The following WDFY3 variants were observed in gnomAD, a reference collection of about 807,000 sequenced individuals.
WDFY3 encodes the protein WD repeat and FYVE domain-containing protein 3.
Under a neutral mutation model 409.6 loss-of-function variants are expected in WDFY3, and 66 were observed. That is an observed-to-expected ratio of 0.16 (90% CI 0.13 to 0.20). WDFY3 has a LOEUF of 0.20. WDFY3 is among the 10% of genes least tolerant of loss of function. The probability of loss-of-function intolerance (pLI) is 1.00; values close to 1 mark genes in which losing one functional copy is unlikely to be tolerated. For synonymous variants in WDFY3, 1,521 were observed against 1,537.1 expected (o/e 0.99, Z 0.25); for missense variants, 3,031 against 4,298.1 (o/e 0.71, Z 8.24).
chr4:84,931,354 A>C (rs545531451), intron 2 of WDFY3, among the ~76,000 whole-genome samples: 8 of 152,192 alleles, frequency 5.3e-5, no homozygotes, highest in Non-Finnish European at 1.2e-4. Context: ...GAGGAATCAG[A>C]GTCTGTTCCG....
chr4:84,907,345 C>T (rs1320634517), intron 2 of WDFY3, among the ~76,000 whole-genome samples: 1 of 152,126 alleles, frequency 6.6e-6, no homozygotes, highest in Non-Finnish European at 1.5e-5. Flanking sequence ...TTCCTTCTTG[C>T]TCTCTCTCAG....
At chr4:84,927,779 T>C (rs895753306) in intron 2 of WDFY3, among the ~76,000 whole-genome samples, 1 of 152,208 alleles carries the variant, frequency 6.6e-6, no homozygotes, top group African/African-American at 2.4e-5. Flanking sequence ...TCCTGAGGCC[T>C]CCCCAGCCAT....
intron 34 of WDFY3, among the ~76,000 whole-genome samples, chr4:84,754,237 A>G (rs1221655752): frequency 6.6e-6 from 1 of 152,176 alleles, no homozygotes. Flanking sequence ...ATGCTAAGTT[A>G]GGAGTAAGAT....
chr4:84,901,122 G>A (rs1004656577), intron 2 of WDFY3, among the ~76,000 whole-genome samples: 1 of 152,088 alleles, frequency 6.6e-6, no homozygotes, highest in Non-Finnish European at 1.5e-5. Flanking sequence ...ATGCATAAAG[G>A]CTCGTTTAGA....
Position 84,814,581 on chromosome 4 carries a change from T to C in WDFY3, c.1887+2811A>G, listed in dbSNP as rs1399442150. ...CTCATCCCTGTGTCCAGTGTACATA[T>C]GCTGCAAAAGCCACCTGCCTGTTAG... On this transcript the variant is annotated intron_variant, in intron 13 of 67. Coordinates refer to ENST00000295888, the MANE Select transcript of WDFY3 (RefSeq NM_014991.6). 2.0e-5 allele frequency among the ~76,000 whole-genome samples: 3 copies of C among 152,232 alleles called. No individual in the cohort carries two copies. In the East Asian group the frequency reaches 5.8e-4, roughly 29 times the overall value.
At chr4:84,764,729 CGTG>C (rs1262337067) in intron 32 of WDFY3, among the ~76,000 whole-genome samples, 2 of 151,666 alleles carry the variant, frequency 1.3e-5, no homozygotes, top group Admixed American at 6.6e-5. Flanking sequence ...ATTAGCCGGG[CGTG>C]GTGGCAGGCG....
At chr4:84,690,901 T>TG (rs1404879142) in intron 60 of WDFY3, among the ~76,000 whole-genome samples, 1 of 152,096 alleles carries the variant, frequency 6.6e-6, no homozygotes, top group African/African-American at 2.4e-5. Context: ...TTGCTCATAA[T>TG]GGGGGTCTCT....
intron 64 of WDFY3, among the ~76,000 whole-genome samples, chr4:84,679,841 T>TATATATATATATATATACACACACACAC (rs1235574031): frequency 7.1e-6 from 1 of 141,260 alleles, no homozygotes; most frequent in African/African-American, 2.6e-5. Flanking sequence ...TATATATATA[T>TATATATATATATATATACACACACACAC]ACACACACAC....
chr4:84,845,564 G>A (rs1174748810), intron 5 of WDFY3, among the ~76,000 whole-genome samples: 4 of 151,926 alleles, frequency 2.6e-5, no homozygotes, highest in Non-Finnish European at 4.4e-5. Flanking sequence ...TAAGAGGGTA[G>A]ATCCCATATT....
chr4:84,863,785 T>G (rs1323896448), intron 3 of WDFY3, among the ~76,000 whole-genome samples: 1 of 152,174 alleles, frequency 6.6e-6, no homozygotes, highest in East Asian at 1.9e-4. Context: ...CCAACACCAT[T>G]TATTACAGAG....
chr4:84,699,403 A>G (rs1017384310), intron 56 of WDFY3, among the ~76,000 whole-genome samples: 1 of 152,178 alleles, frequency 6.6e-6, no homozygotes, highest in Non-Finnish European at 1.5e-5. Flanking sequence ...ATTCACTTTC[A>G]TGGATGAATA....
At position 84,790,092 on chromosome 4, in the gene WDFY3, G is replaced by T. The variant is rs77303371; in HGVS notation, c.3488-185C>A. Among the ~76,000 whole-genome samples, 928 of 152,254 alleles carry T rather than the reference G, an allele frequency of 6.1e-3. 8 individuals are homozygous for T. Among genetic ancestry groups the T allele is most frequent in the African/African-American group, 0.021 (893 of 41,544 alleles). On this transcript the variant is annotated intron_variant, in intron 21 of 67. Coordinates refer to ENST00000295888, the MANE Select transcript of WDFY3 (RefSeq NM_014991.6). The stretch of plus-strand genomic sequence containing the variant: ...GGGTTGGGCACGGTGGCTCACACCT[G>T]TAATGTCAGCCCTTTGGGAGGCTGA...
intron 1 of WDFY3, among the ~76,000 whole-genome samples, chr4:84,964,917 A>G (rs1381072709): frequency 6.6e-6 from 1 of 152,226 alleles, no homozygotes; most frequent in African/African-American, 2.4e-5. Context: ...AGAATGGTTC[A>G]AAGTATTAAC....
Position 84,860,429 on chromosome 4 carries a change from G to T in WDFY3, c.163C>A (p.Leu55Met). The T allele has an allele frequency of 6.2e-7, 1 of 1,613,476 alleles. No individual in the cohort carries two copies. Among genetic ancestry groups the T allele is most frequent in the Non-Finnish European group, 8.5e-7 (1 of 1,179,624 alleles). ...GGACTTACCCTGTTAAACACTGGCA[G>T]CATCATATACAGTTTCTCTTCTTGT... ...KEQEEKLYMM[L>M]PVFNRVFGNA... is the part of the protein sequence containing the mutation. The change falls in exon 4 of 68, where the codon CTG becomes ATG. Residue 55 changes from leucine (L) to methionine (M), a missense_variant. Leu to Met is a conservative substitution (Grantham distance 15, BLOSUM62 2). This residue lies in a region of WDFY3 where 1,322 missense variants were observed against 1,697.9 expected (regional missense o/e 0.78). Coordinates refer to ENST00000295888, the MANE Select transcript of WDFY3 (RefSeq NM_014991.6).
intron 49 of WDFY3, among the ~76,000 whole-genome samples, chr4:84,716,494 A>G (rs1291286812): frequency 1.3e-5 from 2 of 149,260 alleles, no homozygotes. Flanking sequence ...GCATGTATCA[A>G]TTTTAAAATA....
intron 3 of WDFY3, among the ~76,000 whole-genome samples, chr4:84,887,589 C>G (rs1764401151): frequency 6.6e-6 from 1 of 152,134 alleles, no homozygotes; most frequent in Non-Finnish European, 1.5e-5. Context: ...ATATCCATAG[C>G]CAAGTACAAT....
intron 3 of WDFY3, among the ~76,000 whole-genome samples, chr4:84,880,670 C>CATACAT (rs1763370080): frequency 1.8e-5 from 1 of 55,204 alleles, no homozygotes; most frequent in Non-Finnish European, 3.2e-5. Context: ...ATAAGGGAAC[C>CATACAT]ATACATATAT....
intron 30 of WDFY3, 121 bp from the exon 31 acceptor site, chr4:84,766,493 G>T: frequency 2.1e-6 from 2 of 944,902 alleles, no homozygotes; most frequent in South Asian, 1.9e-5. Context: ...CTCCAGGACT[G>T]CTTTTCACCA....
chr4:84,775,658 C>T (rs902114150), intron 27 of WDFY3, among the ~76,000 whole-genome samples: 1 of 151,636 alleles, frequency 6.6e-6, no homozygotes, highest in Non-Finnish European at 1.5e-5. Flanking sequence ...AGATATGTGT[C>T]ATTGGTGTCC....
Sources: gnomAD v4.1 joint callset for allele counts (sites outside exome capture counted in the v4.1 genomes callset) on GRCh38, gnomAD v4.1.1 for gene constraint, gnomAD v4.1.1 regional missense constraint, MANE v1.5 for transcripts, NCBI Gene and HGNC (gene_info 2026-07-23, HGNC 2026-07-21) for gene names.